The following ATP10B variants were observed in gnomAD, a reference collection of about 807,000 sequenced individuals.
ATP10B encodes ATPase phospholipid transporting 10B (putative).
In ATP10B, 122 loss-of-function variants were observed where a neutral mutation model predicts 141.2. That is an observed-to-expected ratio of 0.86 (90% CI 0.75 to 1.00). The LOEUF (loss-of-function observed/expected upper bound fraction) is 1.00. ATP10B is among the 50% of genes least tolerant of loss of function. The pLI is 0.00. For missense variants in ATP10B, 1,876 were observed against 1,825.3 expected (o/e 1.03, Z -0.51); for synonymous variants, 685 against 692.0 (o/e 0.99, Z 0.16).
chr5:160,656,179 T>C (rs1394185270), intron 7 of ATP10B, among the ~76,000 whole-genome samples: 1 of 152,256 alleles, frequency 6.6e-6, no homozygotes. Context: ...AATGATCTTT[T>C]GAAATTGTTT....
At chr5:160,696,963 G>A (rs1055488158) in intron 3 of ATP10B, among the ~76,000 whole-genome samples, 4 of 152,088 alleles carry the variant, frequency 2.6e-5, no homozygotes, top group African/African-American at 9.7e-5. Flanking sequence ...CATTTACAGA[G>A]GAAGAAACAA....
the ATP10B span, among the ~76,000 whole-genome samples, chr5:160,897,281 T>A: frequency 7.9e-5 from 12 of 152,360 alleles, no homozygotes; most frequent in African/African-American, 2.9e-4. Context: ...CATGATTGTA[T>A]ATTTAGAAAA....
At chr5:160,924,484 T>C in the ATP10B span, among the ~76,000 whole-genome samples, 1 of 152,246 alleles carries the variant, frequency 6.6e-6, no homozygotes, top group African/African-American at 2.4e-5. Flanking sequence ...AATTATTAAC[T>C]ACTGTTATTA....
chr5:160,838,246 C>T (rs1270300582), intron 1 of ATP10B, among the ~76,000 whole-genome samples: 1 of 152,168 alleles, frequency 6.6e-6, no homozygotes, highest in East Asian at 1.9e-4. Context: ...TCAGAATGTA[C>T]ATTTATCCTA....
At chr5:160,615,097 A>G (rs1426379532) in intron 17 of ATP10B, among the ~76,000 whole-genome samples, 1 of 152,166 alleles carries the variant, frequency 6.6e-6, no homozygotes, top group African/African-American at 2.4e-5. Context: ...TGCAGCAAGC[A>G]GCAGTTTTTG....
At position 160,816,329 on chromosome 5, in the gene ATP10B, A is replaced by G. The variant is rs903613824; in HGVS notation, c.-575-30526T>C. 6.8e-3 allele frequency among the ~76,000 whole-genome samples: 1,040 copies of G among 152,022 alleles called. 15 individuals carry two copies. The highest frequency in any genetic ancestry group is 0.023 in the African/African-American group (973 of 41,468). On this transcript the variant is annotated intron_variant, in intron 1 of 25. Coordinates refer to ENST00000327245, the MANE Select transcript of ATP10B (RefSeq NM_025153.3). ...AAATGATAAAGGGGATATCACCACC[A>G]ATCCCACAGAAATACAAACTACCAT...
At chr5:160,808,398 A>G (rs1418807318) in intron 1 of ATP10B, among the ~76,000 whole-genome samples, 2 of 152,170 alleles carry the variant, frequency 1.3e-5, no homozygotes, top group African/African-American at 2.4e-5. Context: ...TTATCAGAGG[A>G]TCCTATACCA....
chr5:160,667,827 C>T (rs1762413247), intron 7 of ATP10B, among the ~76,000 whole-genome samples: 1 of 152,154 alleles, frequency 6.6e-6, no homozygotes, highest in South Asian at 2.1e-4. Context: ...ACTGAAACAA[C>T]ACTGAAATGA....
intron 7 of ATP10B, among the ~76,000 whole-genome samples, chr5:160,666,375 A>AAT (rs1330014148): frequency 6.6e-6 from 1 of 152,206 alleles, no homozygotes; most frequent in African/African-American, 2.4e-5. Flanking sequence ...CAACACCTGT[A>AAT]ATATACTTGC....
intron 8 of ATP10B, 108 bp downstream of exon 8, chr5:160,649,059 CAAAT>C (rs1760510664): frequency 1.5e-6 from 1 of 676,486 alleles, no homozygotes; most frequent in Non-Finnish European, 2.4e-6. Flanking sequence ...CACACACACA[CAAAT>C]AAAATTCCTC....
chr5:160,871,575 C>T, the ATP10B span, among the ~76,000 whole-genome samples: 8 of 152,116 alleles, frequency 5.3e-5, no homozygotes, highest in Admixed American at 2.6e-4. Flanking sequence ...TATACCATTG[C>T]ATTCTCATAG....
At chr5:160,634,943 T>C (rs779757235) in intron 11 of ATP10B, among the ~76,000 whole-genome samples, 5 of 152,202 alleles carry the variant, frequency 3.3e-5, no homozygotes, top group Non-Finnish European at 7.3e-5. Flanking sequence ...CTTTTATAGG[T>C]ATTCAGACCT....
intron 13 of ATP10B, among the ~76,000 whole-genome samples, chr5:160,623,966 A>G (rs1758487277): frequency 6.6e-6 from 1 of 152,242 alleles, no homozygotes; most frequent in Non-Finnish European, 1.5e-5. Context: ...CTCTAACTAC[A>G]GCTTTTTTGA....
At position 160,818,527 on chromosome 5, in the gene ATP10B, A is replaced by G. The variant is rs572916002; in HGVS notation, c.-575-32724T>C. ...GGTGCTGGAAAGGATGTGGAGAAAT[A>G]GGAACATTTTTACACTGTTGGTGGG... On this transcript the variant is annotated intron_variant, in intron 1 of 25. Transcript: ENST00000327245. 7.0e-3 allele frequency among the ~76,000 whole-genome samples: 1,063 copies of G among 152,348 alleles called. 18 individuals carry two copies. The highest frequency in any genetic ancestry group is 0.024 in the African/African-American group (1,002 of 41,580).
At chr5:160,910,705 A>T in the ATP10B span, among the ~76,000 whole-genome samples, 2 of 152,222 alleles carry the variant, frequency 1.3e-5, no homozygotes, top group African/African-American at 4.8e-5. Context: ...AAGAAACACT[A>T]TATTTAATGT....
chr5:160,883,471 A>G, the ATP10B span, among the ~76,000 whole-genome samples: 69 of 129,166 alleles, frequency 5.3e-4, 1 homozygote, highest in East Asian at 0.014. Context: ...AAATAAGGGC[A>G]GGTGGTGTGT....
the ATP10B span, among the ~76,000 whole-genome samples, chr5:160,917,269 C>CTTTTT: frequency 7.0e-4 from 89 of 127,656 alleles, 2 homozygotes; most frequent in African/African-American, 2.2e-3. Context: ...TAGGGTACTT[C>CTTTTT]TTTTTTTTTT....
intron 2 of ATP10B, among the ~76,000 whole-genome samples, chr5:160,737,860 A>C (rs1767228505): frequency 6.6e-6 from 1 of 152,184 alleles, no homozygotes; most frequent in African/African-American, 2.4e-5. Flanking sequence ...ACAATCCCAG[A>C]ATTATAGTTG....
intron 2 of ATP10B, among the ~76,000 whole-genome samples, chr5:160,772,233 A>T (rs551902042): frequency 1.3e-5 from 2 of 152,348 alleles, no homozygotes; most frequent in Non-Finnish European, 2.9e-5. Context: ...AACGTTTCTA[A>T]TAATAGTGTA....
Sources: allele counts gnomAD v4.1 joint callset (sites outside exome capture counted in the v4.1 genomes callset), GRCh38; gene constraint gnomAD v4.1.1; transcripts MANE v1.5; gene names NCBI Gene and HGNC (gene_info 2026-07-23, HGNC 2026-07-21).